Variants in SLC22A25 observed in about 807,000 individuals in gnomAD.
SLC22A25 encodes solute carrier family 22 member 25.
A neutral mutation model predicts 45.9 loss-of-function variants in SLC22A25; 44 were observed. The observed-to-expected ratio is 0.96, with a 90% CI of 0.75 to 1.23. SLC22A25 has a LOEUF of 1.23. Ranked by LOEUF, SLC22A25 falls within the 50% of genes most tolerant of loss-of-function variation. SLC22A25 has a pLI of 0.00. For synonymous variants in SLC22A25, 283 were observed against 238.6 expected (o/e 1.19, Z -1.72); for missense variants, 800 against 666.4 (o/e 1.20, Z -2.21).
chr11:63,174,804 C>T (rs2088026475), intron 9 of SLC22A25, among the ~76,000 whole-genome samples: 1 of 152,026 alleles, frequency 6.6e-6, no homozygotes, highest in South Asian at 2.1e-4. Flanking sequence ...TTCCCTCTGC[C>T]CTCTGCCCCA....
chr11:63,178,182 C>T (rs1013279576), intron 9 of SLC22A25, among the ~76,000 whole-genome samples: 11 of 151,924 alleles, frequency 7.2e-5, no homozygotes, highest in Admixed American at 3.3e-4. Context: ...TGGGCCACCA[C>T]GCCCTGCCAA....
intron 10 of SLC22A25, among the ~76,000 whole-genome samples, chr11:63,165,727 T>C (rs1287965998): frequency 6.6e-6 from 1 of 152,234 alleles, no homozygotes; most frequent in Admixed American, 6.5e-5. Flanking sequence ...CAACACTTAC[T>C]AAGAGTTTGA....
rs141668089 is a variant in SLC22A25, at chr11:63,187,413, T to C, written c.831-3596A>G. Among the ~76,000 whole-genome samples the C allele has an allele frequency of 3.8e-3, 573 of 152,352 alleles. 1 individual carries two copies. The highest frequency in any genetic ancestry group is 5.6e-3 in the Non-Finnish European group (381 of 68,026). On this transcript the variant is annotated intron_variant, in intron 7 of 11. Transcript: ENST00000306494. Reference sequence around the variant, plus strand: ...CTTATTTTATATCCTGAGACTTTGCTGAAGTTGCTTATCAGCTTAAGGAGA... The same window carrying C: ...CTTATTTTATATCCTGAGACTTTGCCGAAGTTGCTTATCAGCTTAAGGAGA...
rs573690143 is a variant in SLC22A25, at chr11:63,189,112, G to T, written c.831-5295C>A. 1.3e-4 allele frequency among the ~76,000 whole-genome samples: 20 copies of T among 152,278 alleles called. No homozygotes were observed. The South Asian group carries it at 3.7e-3, about 28-fold the overall frequency. On this transcript the variant is annotated intron_variant, in intron 7 of 11. Transcript: ENST00000306494. ...TCCTGTATATCCTTGTTAACTTTCT[G>T]TCTCATTGATCTGTCTAATGTTGAC...
chr11:63,215,547 G>A (rs117869269), intron 7 of SLC22A25, among the ~76,000 whole-genome samples: 7 of 152,062 alleles, frequency 4.6e-5, no homozygotes, highest in African/African-American at 9.7e-5. Context: ...AAACCTGCAC[G>A]TTTTGCACAT....
intron 5 of SLC22A25, among the ~76,000 whole-genome samples, chr11:63,222,303 C>T (rs555855975): frequency 4.6e-5 from 7 of 151,964 alleles, no homozygotes; most frequent in South Asian, 2.1e-4. Flanking sequence ...CAATTTATTT[C>T]GCCAACATTT....
At chr11:63,174,561 C>G (rs2088017571) in intron 9 of SLC22A25, among the ~76,000 whole-genome samples, 1 of 152,104 alleles carries the variant, frequency 6.6e-6, no homozygotes, top group Non-Finnish European at 1.5e-5. Flanking sequence ...AGTTCCTCTT[C>G]TTTTTCCCTT....
intron 3 of SLC22A25, among the ~76,000 whole-genome samples, chr11:63,232,722 G>C (rs997798539): frequency 1.3e-5 from 2 of 152,176 alleles, no homozygotes; most frequent in African/African-American, 4.8e-5. Flanking sequence ...AGTTTTCAAA[G>C]GGTATGCTTC....
At chr11:63,210,493 C>T (rs1193386054) in intron 7 of SLC22A25, among the ~76,000 whole-genome samples, 1 of 152,074 alleles carries the variant, frequency 6.6e-6, no homozygotes, top group Non-Finnish European at 1.5e-5. Context: ...AAGATGAGTG[C>T]CCCGAAAAGG....
Position 63,198,126 on chromosome 11 carries a change from A to G in SLC22A25, c.831-14309T>C, listed in dbSNP as rs546573747. ...TAGGAACACTTTTACACTGTTGGTG[A>G]GACTGTAAACTAGTTCAACCATTGT... On this transcript the variant is annotated intron_variant, in intron 7 of 11. Transcript: ENST00000306494. Among the ~76,000 whole-genome samples, 29 of 152,286 alleles carry G rather than the reference A, an allele frequency of 1.9e-4. No homozygotes were observed. The South Asian group carries it at 5.8e-3, about 30-fold the overall frequency.
intron 5 of SLC22A25, 118 bp downstream of exon 5, chr11:63,228,343 C>G: frequency 1.3e-6 from 1 of 744,416 alleles, no homozygotes; most frequent in Non-Finnish European, 2.2e-6. Flanking sequence ...GTCTACAAAT[C>G]CCTGGGGACC....
intron 7 of SLC22A25, among the ~76,000 whole-genome samples, chr11:63,188,122 A>G (rs1420237450): frequency 6.6e-6 from 1 of 152,214 alleles, no homozygotes; most frequent in Non-Finnish European, 1.5e-5. Context: ...AAGGAATGAT[A>G]CCAGCTCCTC....
At chr11:63,215,836 C>T (rs768093820) in intron 7 of SLC22A25, among the ~76,000 whole-genome samples, 1 of 152,116 alleles carries the variant, frequency 6.6e-6, no homozygotes. Flanking sequence ...AAGTTCTAAT[C>T]ATTTAGCTCC....
rs1365193894 is a variant in SLC22A25, at chr11:63,161,968, T to C, written c.*1856A>G. On this transcript the variant is annotated 3_prime_UTR_variant, in exon 12 of 12. Transcript: ENST00000306494. ...TCTTTTGGATATCAGCCATTTTAACTGAGGTAAGATGAGATCTCATTGTAG... is the reference window on the plus strand; with the variant it reads ...TCTTTTGGATATCAGCCATTTTAACCGAGGTAAGATGAGATCTCATTGTAG... Among the ~76,000 whole-genome samples, 1 of 152,208 alleles carries C rather than the reference T, an allele frequency of 6.6e-6. No homozygotes were observed. Among genetic ancestry groups the C allele is most frequent in the East Asian group, 1.9e-4 (1 of 5,202 alleles).
At chr11:63,187,218 C>T (rs10897385) in intron 7 of SLC22A25, among the ~76,000 whole-genome samples, 74,534 of 151,902 alleles carry the variant, frequency 0.49, 18,853 homozygotes, top group African/African-American at 0.6. Context: ...TGTTTTATTT[C>T]ATTGAGCAGT....
rs529358721 is a variant in SLC22A25 at position 63,170,032 on chromosome 11, C to T, written c.1071-3774G>A. 9.9e-5 allele frequency among the ~76,000 whole-genome samples: 15 copies of T among 152,174 alleles called. 1 individual carries two copies. The highest frequency in any genetic ancestry group is 4.6e-4 in the Admixed American group (7 of 15,280). ...AAACTCATTCAAAACCACTCAACTACGTGGAAACTGAACAACCTGCTCCTG... is the reference window on the plus strand; with the variant it reads ...AAACTCATTCAAAACCACTCAACTATGTGGAAACTGAACAACCTGCTCCTG... On this transcript the variant is annotated intron_variant, in intron 9 of 11. Coordinates refer to ENST00000306494, the MANE Select transcript of SLC22A25 (RefSeq NM_199352.6).
chr11:63,242,204 T>TA (rs2090260175), intron 1 of SLC22A25, among the ~76,000 whole-genome samples: 1 of 152,190 alleles, frequency 6.6e-6, no homozygotes, highest in African/African-American at 2.4e-5. Flanking sequence ...ACCCCTGGAT[T>TA]CTACTTTCAG....
At chr11:63,229,215 G>T (rs989380393) in intron 4 of SLC22A25, 36 bp downstream of exon 4, 1 of 1,488,606 alleles carries the variant, frequency 6.7e-7, no homozygotes, top group Non-Finnish European at 9.0e-7. Context: ...AAACAGCCAG[G>T]TCATGTACAC....
chr11:63,197,729 CT>C (rs2089096738), intron 7 of SLC22A25, among the ~76,000 whole-genome samples: 1 of 152,136 alleles, frequency 6.6e-6, no homozygotes, highest in African/African-American at 2.4e-5. Flanking sequence ...CAAATGGCAT[CT>C]AAGTAAACTA....
Sources: allele counts gnomAD v4.1 joint callset (sites outside exome capture counted in the v4.1 genomes callset), GRCh38; gene constraint gnomAD v4.1.1; transcripts MANE v1.5; gene names NCBI Gene and HGNC (gene_info 2026-07-23, HGNC 2026-07-21).